The following NCAM1 variants were observed in gnomAD, a reference collection of about 807,000 sequenced individuals.
The protein encoded by NCAM1 is neural cell adhesion molecule 1.
Under a neutral mutation model 109.8 loss-of-function variants are expected in NCAM1, and 14 were observed. That is an observed-to-expected ratio of 0.13 (90% confidence interval 0.08 to 0.20). The LOEUF is 0.20. Ranked by LOEUF, NCAM1 falls within the 10% of genes least tolerant of loss-of-function variation. The pLI, the probability that NCAM1 is intolerant of heterozygous loss-of-function variation, is 1.00. For missense variants in NCAM1, 774 were observed against 1,109.9 expected (o/e 0.70, Z 4.30); for synonymous variants, 418 against 442.9 (o/e 0.94, Z 0.70).
chr11:113,233,065 A>G lies in NCAM1; in HGVS notation c.1523-82A>G. On this transcript the variant is annotated intron_variant, in intron 12 of 19. Transcript: ENST00000316851. This position sits in a 1 kb window ranked among gnomAD's most constrained non-coding sequence, Gnocchi z 4.5. ...ATTCCCAAGAGTGAGCAGAAATGAC[A>G]GAGATGTGCCTTGTGACTGAGAGTT... 7.7e-7 allele frequency: 1 copy of G among 1,291,024 alleles called. No homozygotes were observed. The highest frequency in any genetic ancestry group is 1.1e-6 in the Non-Finnish European group (1 of 919,500). The allele number at this position is 1,291,024 out of a possible 1,614,324, so 80.0% of individuals were successfully genotyped here.
chr11:113,131,012 A>G (rs976241777), intron 1 of NCAM1, among the ~76,000 whole-genome samples: 27 of 152,298 alleles, frequency 1.8e-4, no homozygotes, highest in African/African-American at 5.3e-4. Flanking sequence ...TCCTCTGGAA[A>G]AATTTGCTTC....
intron 1 of NCAM1, among the ~76,000 whole-genome samples, chr11:113,155,357 A>C (rs1942370211): frequency 6.6e-6 from 1 of 151,928 alleles, no homozygotes; most frequent in Non-Finnish European, 1.5e-5. Context: ...AAAAATACAA[A>C]AGTTAGCTGG....
chr11:113,187,987 C>T (rs1943564373), intron 1 of NCAM1, among the ~76,000 whole-genome samples: 1 of 152,184 alleles, frequency 6.6e-6, no homozygotes, highest in Admixed American at 6.5e-5. Flanking sequence ...AAATAAGGTA[C>T]ATTGCATGAG....
intron 2 of NCAM1, among the ~76,000 whole-genome samples, chr11:113,203,917 A>G (rs979067292): frequency 6.6e-6 from 1 of 152,206 alleles, no homozygotes; most frequent in Non-Finnish European, 1.5e-5. Context: ...AATCCTAAAT[A>G]CACTAATTCC....
chr11:113,247,646 C>A (rs1266852454), intron 15 of NCAM1, among the ~76,000 whole-genome samples: 2 of 152,150 alleles, frequency 1.3e-5, no homozygotes, highest in African/African-American at 4.8e-5. Context: ...GAGCCATCTT[C>A]ATTTCCAAAA....
At chr11:113,206,247 T>G in intron 5 of NCAM1, 67 bp downstream of exon 5, 1 of 1,503,302 alleles carries the variant, frequency 6.7e-7, no homozygotes, top group African/African-American at 1.4e-5. Flanking sequence ...ATCATTCTCT[T>G]TAACTTCCTC....
chr11:113,173,177 T>C (rs1555106522), intron 1 of NCAM1, among the ~76,000 whole-genome samples: 2 of 152,316 alleles, frequency 1.3e-5, no homozygotes. Context: ...GCCATGTTTT[T>C]GATTAGTTGA....
At position 113,263,533 on chromosome 11, in the gene NCAM1, A is replaced by G. The variant is rs544308247; in HGVS notation, c.2131+3210A>G. 9 of 985,716 alleles carry G rather than the reference A, an allele frequency of 9.1e-6. No individual in the cohort carries two copies. In the African/African-American group the frequency reaches 1.2e-4, roughly 13 times the overall value. 61.1% of individuals were successfully genotyped at this position (985,716 alleles called of 1,614,324 possible). On this transcript the variant is annotated intron_variant, in intron 17 of 19. Transcript: ENST00000316851. ...GGAAAAAAAGTTGAATTTGTTGGAT[A>G]TTTTCTGGGGCTGATGAACGTTCTG...
At chr11:113,009,312 GTTTTTTTTTT>G (rs781818836) in intron 1 of NCAM1, among the ~76,000 whole-genome samples, 1 of 79,656 alleles carries the variant, frequency 1.3e-5, no homozygotes, top group Non-Finnish European at 2.4e-5. Context: ...GTTTTTTCGG[GTTTTTTTTTT>G]TTTTTTTTTT....
chr11:113,052,155 T>C (rs1953525095), intron 1 of NCAM1, among the ~76,000 whole-genome samples: 1 of 152,070 alleles, frequency 6.6e-6, no homozygotes, highest in South Asian at 2.1e-4. Context: ...CTGACAGTAA[T>C]CGAATCCAAT....
At chr11:113,065,460 A>G (rs537421445) in intron 1 of NCAM1, among the ~76,000 whole-genome samples, 1 of 152,298 alleles carries the variant, frequency 6.6e-6, no homozygotes, top group East Asian at 1.9e-4. Flanking sequence ...GAAACCTGGT[A>G]AATAGTACCC....
intron 9 of NCAM1, among the ~76,000 whole-genome samples, chr11:113,226,528 G>C (rs1555116250): frequency 6.6e-6 from 1 of 152,204 alleles, no homozygotes; most frequent in African/African-American, 2.4e-5. Flanking sequence ...CCACAAGACA[G>C]AAAGTTAACA....
At chr11:113,244,976 T>C (rs1487919735) in intron 14 of NCAM1, among the ~76,000 whole-genome samples, 1 of 152,196 alleles carries the variant, frequency 6.6e-6, no homozygotes, top group Non-Finnish European at 1.5e-5. Flanking sequence ...CAATTGGCAA[T>C]GGCCAAAACT....
At chr11:113,246,784 G>A (rs1284278987) in intron 15 of NCAM1, among the ~76,000 whole-genome samples, 2 of 152,254 alleles carry the variant, frequency 1.3e-5, no homozygotes, top group Non-Finnish European at 2.9e-5. Flanking sequence ...ACATTCCTGT[G>A]AAAATGTTTA....
At chr11:113,029,709 T>A (rs1312038551) in intron 1 of NCAM1, among the ~76,000 whole-genome samples, 1 of 152,260 alleles carries the variant, frequency 6.6e-6, no homozygotes, top group Admixed American at 6.5e-5. Flanking sequence ...ATGCTTTTTT[T>A]AAACATAAGG....
chr11:113,162,781 A>G (rs1942644109), intron 1 of NCAM1, among the ~76,000 whole-genome samples: 1 of 152,204 alleles, frequency 6.6e-6, no homozygotes, highest in African/African-American at 2.4e-5. Flanking sequence ...CTCAGTGGGC[A>G]GACCACAAGA....
chr11:113,238,264 G>C (rs1361225146), intron 14 of NCAM1, among the ~76,000 whole-genome samples: 1 of 152,104 alleles, frequency 6.6e-6, no homozygotes, highest in African/African-American at 2.4e-5. Context: ...ATAAAGTTAA[G>C]GTCTGAAGAA....
At chr11:113,103,998 C>A (rs1940007754) in intron 1 of NCAM1, among the ~76,000 whole-genome samples, 1 of 151,920 alleles carries the variant, frequency 6.6e-6, no homozygotes, top group African/African-American at 2.4e-5. Flanking sequence ...AGGCAGTGGG[C>A]AGATTCAGCT....
chr11:113,237,907 T>TATATAG (rs1555118564), intron 14 of NCAM1, among the ~76,000 whole-genome samples: 2 of 10,594 alleles, frequency 1.9e-4, no homozygotes, highest in African/African-American at 3.6e-4. Flanking sequence ...GATATATAGA[T>TATATAG]ATATATAGAT....
Sources: allele counts gnomAD v4.1 joint callset (sites outside exome capture counted in the v4.1 genomes callset), GRCh38; gene constraint gnomAD v4.1.1; non-coding constraint Gnocchi (gnomAD v3.1); transcripts MANE v1.5; gene names NCBI Gene and HGNC (gene_info 2026-07-23, HGNC 2026-07-21).